The following CCDC32 variants were observed in gnomAD, a reference collection of about 807,000 sequenced individuals.
The protein encoded by CCDC32 is coiled-coil domain containing 32.
In CCDC32, 9 loss-of-function variants were observed where a neutral mutation model predicts 20.1. The ratio of observed to expected loss-of-function variants is 0.45; its 90% confidence interval spans 0.27 to 0.78. CCDC32 has a LOEUF of 0.78. CCDC32 is among the 30% of genes least tolerant of loss of function. The probability of loss-of-function intolerance (pLI) is 0.16; values close to 1 mark genes in which losing one functional copy is unlikely to be tolerated. For synonymous variants in CCDC32, 63 were observed against 79.0 expected, an observed-to-expected ratio of 0.80 and a Z score of 1.07; for missense variants, 204 against 215.5, an observed-to-expected ratio of 0.95 and a Z score of 0.33.
intron 2 of CCDC32, among the ~76,000 whole-genome samples, chr15:40,559,210 C>A (rs890253425): frequency 2.0e-5 from 3 of 152,082 alleles, no homozygotes; most frequent in South Asian, 2.1e-4. Flanking sequence ...CCACCTCAGC[C>A]CCCTGGTAGC....
At chr15:40,525,315 A>C (rs1894888051), downstream of CCDC32, among the ~76,000 whole-genome samples, 1 of 152,054 alleles carries the variant, frequency 6.6e-6, no homozygotes, top group Admixed American at 6.6e-5. Context: ...GGCGTGAGCC[A>C]CTGCGCCCGG....
chr15:40,543,820 C>T (rs973305450), intron 3 of CCDC32, among the ~76,000 whole-genome samples: 4 of 152,180 alleles, frequency 2.6e-5, no homozygotes, highest in African/African-American at 9.7e-5. Context: ...TAGACCTGCT[C>T]ACTGCAGAAC....
At chr15:40,542,097 T>A (rs1889419338) in intron 3 of CCDC32, among the ~76,000 whole-genome samples, 2 of 152,226 alleles carry the variant, frequency 1.3e-5, no homozygotes, top group Admixed American at 1.3e-4. Flanking sequence ...GATCCAACTT[T>A]CTACACAATG....
chr15:40,555,970 T>C (rs1198261880), intron 3 of CCDC32, among the ~76,000 whole-genome samples: 1 of 152,250 alleles, frequency 6.6e-6, no homozygotes, highest in African/African-American at 2.4e-5. Context: ...CTATAGTGCT[T>C]ACCATGTGCT....
rs1890309684 is a variant in CCDC32, at chr15:40,557,284, G to A, written c.333C>T (p.Cys111=). The change falls in exon 3 of 4, where the codon TGC becomes TGT. Residue 111 remains cysteine, a synonymous_variant. Coordinates refer to ENST00000416810, the MANE Select transcript of CCDC32 (RefSeq NM_001080792.4). ...LRTLAQAKKE[C]WDRFLQEKLA... ...ACTTCTCCTGGAGGAACCGATCCCA[G>A]CATTCCTTCTTGGCTTGGGCCAGAG... 6.2e-7 allele frequency: 1 copy of A among 1,614,092 alleles called. No individual in the cohort carries two copies. The highest frequency in any genetic ancestry group is 1.7e-5 in the Admixed American group (1 of 60,000).
At position 40,553,604 on chromosome 15, in the gene CCDC32, A is replaced by G; in HGVS notation, c.*367T>C. On this transcript the variant is annotated 3_prime_UTR_variant, in exon 4 of 4. Transcript: ENST00000416810. ...GGCTCACTTAACTTACACATTACAC[A>G]TAAGAGGCCTCAGTTTCTCCAAGTA... is the stretch of plus-strand genomic sequence containing the variant. The G allele has an allele frequency of 1.9e-6, 2 of 1,026,028 alleles. No homozygotes were observed. Among genetic ancestry groups the G allele is most frequent in the South Asian group, 4.3e-5 (1 of 23,104 alleles). 63.6% of individuals were successfully genotyped at this position (1,026,028 alleles called of 1,614,324 possible). A position where few individuals can be genotyped will look rare whatever the true frequency, so the allele number is the denominator to read the frequency against.
At chr15:40,558,094 AC>A (rs1213339090) in intron 2 of CCDC32, 9 of 152,222 alleles carry the variant, frequency 5.9e-5, no homozygotes, top group African/African-American at 2.2e-4. Flanking sequence ...TAATTGTTTA[AC>A]AGATTTCCCC....
intron 1 of CCDC32, among the ~76,000 whole-genome samples, chr15:40,563,548 A>G (rs570667442): frequency 4.6e-5 from 7 of 152,260 alleles, no homozygotes; most frequent in African/African-American, 1.7e-4. Context: ...ATGGGTACAC[A>G]GTTTCAGTTT....
At chr15:40,547,906 G>T (rs137857216) in intron 3 of CCDC32, among the ~76,000 whole-genome samples, 15 of 152,310 alleles carry the variant, frequency 9.8e-5, no homozygotes, top group African/African-American at 3.6e-4. Context: ...GCCTTTGCAC[G>T]CACTCTCGTG....
chr15:40,532,727 T>C (rs1427573035), downstream of CCDC32, among the ~76,000 whole-genome samples: 1 of 142,946 alleles, frequency 7.0e-6, no homozygotes, highest in Non-Finnish European at 1.5e-5. Flanking sequence ...TTTTTTTTTT[T>C]TTTTTTTTTT....
chr15:40,551,214 C>T (rs192154779), downstream of CCDC32, among the ~76,000 whole-genome samples: 831 of 152,250 alleles, frequency 5.5e-3, 15 homozygotes, highest in Non-Finnish European at 4.8e-3. Flanking sequence ...AACCCCGTCT[C>T]TACTAAAAAT....
At position 40,539,357 on chromosome 15, in the gene CCDC32, T is replaced by A; in HGVS notation, c.402-2A>T. 1 of 1,535,048 alleles carries A rather than the reference T, an allele frequency of 6.5e-7. No homozygotes were observed. The highest frequency in any genetic ancestry group is 8.7e-7 in the Non-Finnish European group (1 of 1,146,318). ...CCAGGGGTTCTGGAGTTACAGGGCC[T>A]ATGGGAATAAGACAGACCGACAGAG... On this transcript the variant is annotated splice_acceptor_variant, in intron 3 of 3. Coordinates refer to the CCDC32 transcript ENST00000558113. LOFTEE classifies it high-confidence loss of function.
downstream of CCDC32, among the ~76,000 whole-genome samples, chr15:40,551,989 C>T (rs1351884714): frequency 1.3e-5 from 2 of 151,778 alleles, no homozygotes; most frequent in Non-Finnish European, 2.9e-5. Context: ...CCTGTCTCTA[C>T]AAAAATTTTT....
At chr15:40,528,429 T>A (rs1365802962), downstream of CCDC32, among the ~76,000 whole-genome samples, 3 of 152,316 alleles carry the variant, frequency 2.0e-5, no homozygotes, top group East Asian at 5.8e-4. Flanking sequence ...GAGCCAGGAC[T>A]GGGTCTCAAG....
At chr15:40,524,279 C>A (rs544948440), downstream of CCDC32, among the ~76,000 whole-genome samples, 14 of 151,374 alleles carry the variant, frequency 9.2e-5, no homozygotes, top group Non-Finnish European at 1.9e-4. Context: ...GCCTCAGCCT[C>A]CCGAGTAGCT....
Position 40,557,267 on chromosome 15 carries a change from T to C in CCDC32, c.350A>G (p.Gln117Arg). The C allele has an allele frequency of 1.2e-6, 2 of 1,614,212 alleles. No homozygotes were observed. The highest frequency in any genetic ancestry group is 1.7e-6 in the Non-Finnish European group (2 of 1,180,028). ...AAAGAACTCTGAAGCTAACTTCTCCTGGAGGAACCGATCCCAGCATTCCTT... is the reference window on the plus strand; with the variant it reads ...AAAGAACTCTGAAGCTAACTTCTCCCGGAGGAACCGATCCCAGCATTCCTT... Reference protein sequence around the residue: ...AKKECWDRFLQEKLASEFFVD... With the variant: ...AKKECWDRFLREKLASEFFVD... The change falls in exon 3 of 4, where the codon CAG becomes CGG. Residue 117 changes from glutamine to arginine, a missense_variant. Transcript: ENST00000416810.
intron 3 of CCDC32, among the ~76,000 whole-genome samples, chr15:40,542,906 C>T (rs1375240613): frequency 6.6e-6 from 1 of 150,876 alleles, no homozygotes; most frequent in Non-Finnish European, 1.5e-5. Context: ...GCCTATAATC[C>T]CAACACTTTG....
chr15:40,544,901 G>A (rs1469843379), intron 3 of CCDC32, among the ~76,000 whole-genome samples: 1 of 152,030 alleles, frequency 6.6e-6, no homozygotes, highest in Non-Finnish European at 1.5e-5. Context: ...TTCATACTTT[G>A]TCCCATCACT....
chr15:40,537,690 CT>C (rs1889181907), downstream of CCDC32: 1 of 152,336 alleles, frequency 6.6e-6, no homozygotes, highest in South Asian at 2.1e-4. Flanking sequence ...TGGCTCATGC[CT>C]GTAATCCCAG....
Sources: allele counts gnomAD v4.1 joint callset (sites outside exome capture counted in the v4.1 genomes callset), GRCh38; gene constraint gnomAD v4.1.1; transcripts MANE v1.5; gene names NCBI Gene and HGNC (gene_info 2026-07-23, HGNC 2026-07-21).